FGF10: variants seen among roughly 807,000 people sequenced by gnomAD.
The protein encoded by FGF10 is fibroblast growth factor 10, also known as FGF-10.
FGF10 carries 2 observed loss-of-function variants against 19.8 expected under a neutral mutation model. The ratio of observed to expected loss-of-function variants is 0.10; its 90% CI spans 0.04 to 0.32. FGF10 has a LOEUF of 0.32. Among genes scored for constraint, FGF10 ranks in the 10% least tolerant of loss-of-function variants. The pLI, the probability that FGF10 is intolerant of heterozygous loss-of-function variation, is 1.00. For missense variants in FGF10, 191 were observed against 246.3 expected, an observed-to-expected ratio of 0.78 and a Z score of 1.50; for synonymous variants, 112 against 94.0, an observed-to-expected ratio of 1.19 and a Z score of -1.10.
chr5:44,385,633 G>A (rs1742079507), intron 1 of FGF10, among the ~76,000 whole-genome samples: 1 of 152,164 alleles, frequency 6.6e-6, no homozygotes, highest in African/African-American at 2.4e-5. Context: ...AAATGTTACT[G>A]AAATGTGGTT....
intron 1 of FGF10, among the ~76,000 whole-genome samples, chr5:44,341,814 T>G (rs1176761102): frequency 6.6e-6 from 1 of 152,018 alleles, no homozygotes; most frequent in Non-Finnish European, 1.5e-5. Context: ...GAACCAGGTC[T>G]GCCTTATACT....
At chr5:44,311,822 C>T (rs1009888886) in intron 1 of FGF10, among the ~76,000 whole-genome samples, 7 of 152,032 alleles carry the variant, frequency 4.6e-5, no homozygotes, top group Non-Finnish European at 8.8e-5. Flanking sequence ...AAACACCATC[C>T]CCAATGCAGT....
chr5:44,373,069 C>T (rs1039753121), intron 1 of FGF10, among the ~76,000 whole-genome samples: 1 of 152,152 alleles, frequency 6.6e-6, no homozygotes, highest in Non-Finnish European at 1.5e-5. Context: ...CTTGCTCTGT[C>T]TTTGTCTATT....
intron 1 of FGF10, among the ~76,000 whole-genome samples, chr5:44,373,828 G>A (rs921434346): frequency 6.6e-6 from 1 of 151,938 alleles, no homozygotes; most frequent in Non-Finnish European, 1.5e-5. Context: ...AGAAATCCAG[G>A]TTTCTTTATC....
intron 1 of FGF10, among the ~76,000 whole-genome samples, chr5:44,376,295 C>CAAGA (rs1216032147): frequency 1.3e-5 from 2 of 151,518 alleles, no homozygotes; most frequent in Non-Finnish European, 2.9e-5. Flanking sequence ...GATTCTACAC[C>CAAGA]AAGAAGTCTG....
chr5:44,373,171 G>A (rs1741780482), intron 1 of FGF10, among the ~76,000 whole-genome samples: 1 of 152,082 alleles, frequency 6.6e-6, no homozygotes, highest in Admixed American at 6.5e-5. Context: ...TGCCATGAGA[G>A]GGTTCTCTAC....
At chr5:44,344,566 C>CTGTGTGTGTGTGTGTGTGTG (rs1455840251) in intron 1 of FGF10, among the ~76,000 whole-genome samples, 3 of 16,058 alleles carry the variant, frequency 1.9e-4, no homozygotes, top group Non-Finnish European at 2.7e-4. Flanking sequence ...GTTTTGTTTT[C>CTGTGTGTGTGTGTGTGTGTG]TCTGTGTGTG....
intron 1 of FGF10, among the ~76,000 whole-genome samples, chr5:44,317,757 A>T (rs900934094): frequency 6.6e-6 from 1 of 151,844 alleles, no homozygotes; most frequent in Non-Finnish European, 1.5e-5. Flanking sequence ...ACTGGTAGAG[A>T]TTTTTTAAAT....
At chr5:44,339,913 C>A (rs114290697) in intron 1 of FGF10, among the ~76,000 whole-genome samples, 4 of 152,120 alleles carry the variant, frequency 2.6e-5, no homozygotes, top group African/African-American at 7.2e-5. Context: ...TTGCTCATTT[C>A]TCTTGAGTTG....
rs758829620 is a variant in FGF10, at chr5:44,304,944, T to C, written c.*51A>G. The stretch of plus-strand genomic sequence containing the variant: ...TGTCTTCATGAAGAATATCCACTAT[T>C]CTTGGCAAAAGAGCCATTGGTTCTA... On this transcript the variant is annotated 3_prime_UTR_variant, in exon 3 of 3. Transcript: ENST00000264664. The C allele has an allele frequency of 6.5e-7, 1 of 1,544,332 alleles. No homozygotes were observed. Among genetic ancestry groups the C allele is most frequent in the Non-Finnish European group, 9.0e-7 (1 of 1,117,012 alleles).
intron 1 of FGF10, among the ~76,000 whole-genome samples, chr5:44,385,174 A>C (rs150970738): frequency 1.1e-3 from 166 of 152,290 alleles, no homozygotes; most frequent in African/African-American, 3.9e-3. Flanking sequence ...GCTTTCTCAG[A>C]CTTCTAGCAG....
In FGF10 at chr5:44,305,272, C is replaced by T. The variant is rs17228255; in HGVS notation, c.430-80G>A. ...TTGATACAAGCCATCCAGAGAACTC[C>T]AGTCCAAGGATTCTGTTTGTAGTTG... On this transcript the variant is annotated intron_variant, in intron 2 of 2. Coordinates refer to ENST00000264664, the MANE Select transcript of FGF10 (RefSeq NM_004465.2). The T allele has an allele frequency of 0.019, 24,340 of 1,302,442 alleles. 296 individuals are homozygous for T. Among genetic ancestry groups the T allele is most frequent in the Non-Finnish European group, 0.023 (20,930 of 904,094 alleles). The allele number at this position is 1,302,442 out of a possible 1,614,324, so 80.7% of individuals were successfully genotyped here.
rs907141910 is a variant in FGF10 at position 44,302,271 on chromosome 5, C to A, written c.*2724G>T. Reference sequence around the variant, plus strand: ...CTTCCCTCCCTTCTTTCCTTCCTTCCTTCTTTCCTTGCTTCCTTCCTTCCT... The same window carrying A: ...CTTCCCTCCCTTCTTTCCTTCCTTCATTCTTTCCTTGCTTCCTTCCTTCCT... On this transcript the variant is annotated 3_prime_UTR_variant, in exon 3 of 3. Coordinates refer to ENST00000264664, the MANE Select transcript of FGF10 (RefSeq NM_004465.2). Among the ~76,000 whole-genome samples the A allele has an allele frequency of 5.5e-5, 8 of 146,314 alleles. No individual in the cohort carries two copies. Among genetic ancestry groups the A allele is most frequent in the African/African-American group, 1.8e-4 (7 of 38,712 alleles).
At chr5:44,388,069 T>A (rs527927300) in intron 1 of FGF10, among the ~76,000 whole-genome samples, 1 of 150,220 alleles carries the variant, frequency 6.7e-6, no homozygotes, top group South Asian at 2.1e-4. Context: ...CTGCAACAAC[T>A]CTCTTGAGCG....
At chr5:44,344,623 A>ACTTCTG in intron 1 of FGF10, among the ~76,000 whole-genome samples, 1 of 130,542 alleles carries the variant, frequency 7.7e-6, no homozygotes, top group Admixed American at 7.9e-5. Flanking sequence ...TCTCTGACCC[A>ACTTCTG]CTTCTGCTTC....
chr5:44,316,024 A>G (rs1740340786), intron 1 of FGF10, among the ~76,000 whole-genome samples: 1 of 152,178 alleles, frequency 6.6e-6, no homozygotes, highest in Non-Finnish European at 1.5e-5. Context: ...CGAGGTTTCA[A>G]CTGTATTTAG....
chr5:44,316,918 T>G (rs1317916901), intron 1 of FGF10, among the ~76,000 whole-genome samples: 1 of 152,190 alleles, frequency 6.6e-6, no homozygotes, highest in Non-Finnish European at 1.5e-5. Context: ...TTTATGGGCT[T>G]TTTCAAAGGG....
rs1740045309 is a variant in FGF10 at position 44,305,069 on chromosome 5, C to T, written c.553G>A (p.Ala185Thr). The T allele has an allele frequency of 2.5e-6, 4 of 1,613,890 alleles. No homozygotes were observed. In the Middle Eastern group the frequency reaches 4.9e-4, roughly 199 times the overall value. The change falls in exon 3 of 3, where the codon GCT becomes ACT. Residue 185 changes from alanine (A) to threonine (T), a missense_variant. By Grantham distance (58) the Ala-to-Thr change is moderately conservative. Transcript: ENST00000264664. The stretch of plus-strand genomic sequence containing the variant: ...CGTGTTTTCTGTCCTCTCCTTGGAG[C>T]TCCTTTTCCATTCAATGCCACATAC... ...QMYVALNGKG[A>T]PRRGQKTRRK...
intron 1 of FGF10, among the ~76,000 whole-genome samples, chr5:44,364,704 C>T (rs979558971): frequency 6.6e-6 from 1 of 151,904 alleles, no homozygotes; most frequent in Non-Finnish European, 1.5e-5. Flanking sequence ...ACCACATATG[C>T]TACCTAATTG....
Sources: gnomAD v4.1 joint callset for allele counts (sites outside exome capture counted in the v4.1 genomes callset) on GRCh38, gnomAD v4.1.1 for gene constraint, MANE v1.5 for transcripts, NCBI Gene and HGNC (gene_info 2026-07-23, HGNC 2026-07-21) for gene names.